Variants in EBAG9 observed in about 807,000 individuals in gnomAD.
The protein encoded by EBAG9 is estrogen receptor binding site associated antigen 9.
EBAG9 carries 16 observed loss-of-function variants against 30.9 expected under a neutral mutation model. The observed-to-expected ratio is 0.52, with a 90% CI of 0.35 to 0.79. The LOEUF (loss-of-function observed/expected upper bound fraction) is 0.79, where lower values mean the gene tolerates loss of function less well. Among genes scored for constraint, EBAG9 ranks in the 30% least tolerant of loss-of-function variants. The pLI is 0.01. For synonymous variants in EBAG9, 93 were observed against 82.8 expected, an observed-to-expected ratio of 1.12 and a Z score of -0.67; for missense variants, 197 against 242.1, an observed-to-expected ratio of 0.81 and a Z score of 1.24.
At chr8:109,544,170 C>A (rs868651267) in intron 1 of EBAG9, among the ~76,000 whole-genome samples, 2 of 151,680 alleles carry the variant, frequency 1.3e-5, no homozygotes, top group African/African-American at 4.8e-5. Context: ...ATTAACATTT[C>A]AATTTTAAAA....
At chr8:109,540,695 CGCT>C (rs1218330646) in intron 1 of EBAG9, 5 of 152,100 alleles carry the variant, frequency 3.3e-5, no homozygotes, top group Non-Finnish European at 5.9e-5. Flanking sequence ...TCTTACGGGC[CGCT>C]GCTCAAACCT....
Position 109,540,453 on chromosome 8 carries a change from G to A in EBAG9, c.-24G>A, listed in dbSNP as rs1821249496. 1 of 152,200 alleles carries A rather than the reference G, an allele frequency of 6.6e-6. No homozygotes were observed. Among genetic ancestry groups the A allele is most frequent in the African/African-American group, 2.4e-5 (1 of 41,440 alleles). The allele number at this position is 152,200 out of a possible 1,614,324, so 9.4% of individuals were successfully genotyped here. ...GAAAACGCTCCTGTTTTTCTCATCT[G>A]TGCAGTGGGTATGATTTTTTTTTCA... On this transcript the variant is annotated 5_prime_UTR_variant, in exon 1 of 7. The change creates a new upstream start codon in the 5' untranslated region. Transcript: ENST00000337573.
rs1563656528 is a variant in EBAG9 at position 109,556,754 on chromosome 8, T to C, written c.322-181T>C. Reference sequence around the variant, plus strand: ...AAAAGTGAAATACAATTTTTCTTAGTATGTAACTGATTTGTACAACAATTC... The same window carrying C: ...AAAAGTGAAATACAATTTTTCTTAGCATGTAACTGATTTGTACAACAATTC... On this transcript the variant is annotated intron_variant, in intron 4 of 6. Transcript: ENST00000337573. Among the ~76,000 whole-genome samples, 4 of 152,136 alleles carry C rather than the reference T, an allele frequency of 2.6e-5. No homozygotes were observed. In the South Asian group the frequency reaches 8.3e-4, roughly 31 times the overall value.
chr8:109,554,662 A>G, intron 3 of EBAG9, 67 bp from the exon 4 acceptor site: 1 of 1,480,994 alleles, frequency 6.8e-7, no homozygotes, highest in Non-Finnish European at 9.1e-7. Flanking sequence ...TTTTTCTAAT[A>G]AATCATCAAT....
intron 1 of EBAG9, among the ~76,000 whole-genome samples, chr8:109,548,423 C>T (rs1218089972): frequency 6.6e-6 from 1 of 152,042 alleles, no homozygotes; most frequent in Non-Finnish European, 1.5e-5. Context: ...ATAGTGCTAG[C>T]TGTTTTACCT....
intron 1 of EBAG9, among the ~76,000 whole-genome samples, chr8:109,549,766 T>C (rs1430086354): frequency 6.6e-6 from 1 of 152,088 alleles, no homozygotes; most frequent in Non-Finnish European, 1.5e-5. Flanking sequence ...TGTTTTAGAT[T>C]GTTATGTACT....
At chr8:109,564,152 C>T (rs1821767984) in intron 6 of EBAG9, among the ~76,000 whole-genome samples, 1 of 151,960 alleles carries the variant, frequency 6.6e-6, no homozygotes, top group African/African-American at 2.4e-5. Flanking sequence ...AGTTCTTATC[C>T]CTGTACTTAA....
chr8:109,552,607 A>G (rs1217294368), intron 2 of EBAG9, among the ~76,000 whole-genome samples: 1 of 152,236 alleles, frequency 6.6e-6, no homozygotes, highest in East Asian at 1.9e-4. Flanking sequence ...TTTTCATTAA[A>G]TATAGATTAC....
intron 1 of EBAG9, among the ~76,000 whole-genome samples, chr8:109,547,264 T>C (rs1361540849): frequency 6.6e-6 from 1 of 152,208 alleles, no homozygotes; most frequent in Admixed American, 6.5e-5. Flanking sequence ...AACTACCAAA[T>C]TGTTTTTCAA....
intron 2 of EBAG9, among the ~76,000 whole-genome samples, 186 bp downstream of exon 2, chr8:109,551,093 G>T (rs1455522042): frequency 6.6e-6 from 1 of 151,902 alleles, no homozygotes; most frequent in Non-Finnish European, 1.5e-5. Context: ...GAAAATAGAG[G>T]TTCAGTTGTT....
intron 5 of EBAG9, 66 bp from the exon 6 acceptor site, chr8:109,560,772 T>C (rs1461227063): frequency 1.7e-6 from 2 of 1,149,820 alleles, no homozygotes; most frequent in East Asian, 5.0e-5. Flanking sequence ...AAGATACTCT[T>C]TTTAACGGCT....
chr8:109,558,910 G>A (rs998266355), intron 5 of EBAG9, among the ~76,000 whole-genome samples: 1 of 152,018 alleles, frequency 6.6e-6, no homozygotes, highest in African/African-American at 2.4e-5. Context: ...TTGTTGGGCA[G>A]GTGTATTTAG....
intron 3 of EBAG9, 129 bp from the exon 4 acceptor site, chr8:109,554,600 A>G (rs907851438): frequency 2.6e-6 from 2 of 781,608 alleles, no homozygotes; most frequent in Non-Finnish European, 4.0e-6. Flanking sequence ...TATGAAATGT[A>G]TGTTTTCCCG....
chr8:109,559,404 G>A (rs1487493208), intron 5 of EBAG9, among the ~76,000 whole-genome samples: 2 of 152,180 alleles, frequency 1.3e-5, no homozygotes, highest in East Asian at 3.8e-4. Flanking sequence ...GCTGCCGTGA[G>A]CTGTGATCAC....
chr8:109,559,255 G>A (rs1328913735), intron 5 of EBAG9, among the ~76,000 whole-genome samples: 3 of 152,008 alleles, frequency 2.0e-5, no homozygotes, highest in South Asian at 2.1e-4. Context: ...TCAGGAATTC[G>A]AGACCAGCCT....
At chr8:109,563,461 C>G in intron 6 of EBAG9, 1 of 1,597,750 alleles carries the variant, frequency 6.3e-7, no homozygotes, top group Non-Finnish European at 8.5e-7. Flanking sequence ...TACCTCCACT[C>G]CCTACATTAA....
At chr8:109,540,116 T>A (rs554293093), upstream of EBAG9, 1 of 152,404 alleles carries the variant, frequency 6.6e-6, no homozygotes, top group South Asian at 2.1e-4. Context: ...CTCTGGGTAC[T>A]GTTTCCGGGT....
intron 5 of EBAG9, among the ~76,000 whole-genome samples, chr8:109,560,478 T>A (rs1304076322): frequency 6.6e-6 from 1 of 152,218 alleles, no homozygotes; most frequent in Non-Finnish European, 1.5e-5. Context: ...GTCAGTTTCT[T>A]GTCACTCTAT....
In EBAG9 at chr8:109,557,019, G is replaced by T. The variant is rs1821614154; in HGVS notation, c.406G>T (p.Asp136Tyr). Residue 136 changes from aspartate (D) to tyrosine (Y), a missense_variant, in exon 5 of 7, where the codon GAT becomes TAT. Coordinates refer to ENST00000337573, the MANE Select transcript of EBAG9 (RefSeq NM_004215.5). ...CTCTAGTAGATTAGCAGCTACACAA[G>T]ATCTGCCTTTTATTCATCAGTCTGT... ...GFSSRLAATQ[D>Y]LPFIHQSSEL... The T allele has an allele frequency of 1.9e-6, 3 of 1,606,370 alleles. No individual in the cohort carries two copies. The highest frequency in any genetic ancestry group is 1.7e-4 in the Middle Eastern group (1 of 5,994).
Sources: allele counts gnomAD v4.1 joint callset (sites outside exome capture counted in the v4.1 genomes callset), GRCh38; gene constraint gnomAD v4.1.1; transcripts MANE v1.5; gene names NCBI Gene and HGNC (gene_info 2026-07-23, HGNC 2026-07-21).